The following EHMT2 variants were observed in gnomAD, a reference collection of about 807,000 sequenced individuals.
The protein encoded by EHMT2 is histone-lysine N-methyltransferase EHMT2.
A neutral mutation model predicts 143.3 loss-of-function variants in EHMT2; 59 were observed. That is an observed-to-expected ratio of 0.41 (90% CI 0.33 to 0.51). The LOEUF is 0.51. Ranked by LOEUF, EHMT2 falls within the 20% of genes least tolerant of loss-of-function variation. EHMT2 has a pLI of 0.18. For missense variants in EHMT2, 1,174 were observed against 1,645.9 expected (o/e 0.71, Z 4.96); for synonymous variants, 604 against 651.5 (o/e 0.93, Z 1.11).
chr6:31,884,657 T>C lies in EHMT2; in HGVS notation c.2591A>G (p.His864Arg). ...GGCAGGGGCTCACAGCACGCAGTCA[T>C]GGTAGCTCTCCCGAGCTGCGATGTG... is the stretch of plus-strand genomic sequence containing the variant. The change falls in exon 20 of 28, where the codon CAT becomes CGT. Residue 864 changes from histidine (H) to arginine (R), a missense_variant. His to Arg is a conservative substitution (Grantham distance 29). This residue lies in a region of EHMT2 where 608 missense variants were observed against 903.7 expected (regional missense o/e 0.67). Coordinates refer to ENST00000375537, the Ensembl canonical transcript of EHMT2. The surrounding 1 kb of genome is among the most constrained non-coding windows in gnomAD (Gnocchi z 7.3). The C allele has an allele frequency of 6.3e-7, 1 of 1,584,232 alleles. No individual in the cohort carries two copies. Among genetic ancestry groups the C allele is most frequent in the Non-Finnish European group, 8.6e-7 (1 of 1,162,104 alleles).
chr6:31,897,669 C>G, exon 1 of EHMT2: 1 of 1,148,204 alleles, frequency 8.7e-7, no homozygotes, highest in Non-Finnish European at 1.1e-6. Flanking sequence ...CTCCCGCCGC[C>G]GCCGCCATCG....
chr6:31,896,852 C>A (rs768930187), intron 2 of EHMT2, 28 bp from the exon 3 acceptor site: 4 of 1,612,430 alleles, frequency 2.5e-6, no homozygotes, highest in East Asian at 2.2e-5. Flanking sequence ...AAGTTCAGAG[C>A]TAAGGGCTCA....
chr6:31,884,262 G>T lies in EHMT2; in HGVS notation c.2771+130C>A. The T allele has an allele frequency of 1.8e-6, 2 of 1,115,362 alleles. No homozygotes were observed. Among genetic ancestry groups the T allele is most frequent in the Non-Finnish European group, 2.5e-6 (2 of 798,238 alleles). The allele number at this position is 1,115,362 out of a possible 1,614,324, so 69.1% of individuals were successfully genotyped here. On this transcript the variant is annotated intron_variant, in intron 21 of 27. Coordinates refer to ENST00000375537, the Ensembl canonical transcript of EHMT2. The surrounding 1 kb of genome is among the most constrained non-coding windows in gnomAD (Gnocchi z 7.3). ...GGCAACCCTAGTGGGGAGGGGGCCT[G>T]TGGGTGGTTCTGGGGATTCAGTGGT...
At chr6:31,893,224 T>A in intron 4 of EHMT2, 1 of 515,766 alleles carries the variant, frequency 1.9e-6, no homozygotes. Context: ...TTACAACAGC[T>A]GAGGTGCGGA....
In EHMT2 at chr6:31,887,497, G is replaced by A. The variant is rs997952717; in HGVS notation, c.2011+80C>T. The A allele has an allele frequency of 1.9e-5, 25 of 1,283,452 alleles. No homozygotes were observed. The African/African-American group carries it at 3.2e-4, about 17-fold the overall frequency. The allele number at this position is 1,283,452 out of a possible 1,614,324, so 79.5% of individuals were successfully genotyped here. On this transcript the variant is annotated intron_variant, in intron 15 of 27. Coordinates refer to ENST00000375537, the Ensembl canonical transcript of EHMT2. ...GGCAAGGACTGTGTCCTTCACGACT[G>A]TACTCCTGGCCCTGTACCCAGTGCC...
chr6:31,884,617 G>A lies in EHMT2; in HGVS notation c.2603+28C>T. 1.2e-6 allele frequency: 2 copies of A among 1,601,416 alleles called. No homozygotes were observed. Among genetic ancestry groups the A allele is most frequent in the Non-Finnish European group, 1.7e-6 (2 of 1,172,254 alleles). On this transcript the variant is annotated intron_variant, in intron 20 of 27. Transcript: ENST00000375537. This position sits in a 1 kb window ranked among gnomAD's most constrained non-coding sequence, Gnocchi z 7.3. ...CTGAGGCTGCAAGAAGTGGGGGCAG[G>A]GGCATCAAGGGCGGGGCAGGGGCTC...
rs1473329090 is a variant in EHMT2 at position 31,888,766 on chromosome 6, G to A, written c.1217-19C>T. On this transcript the variant is annotated intron_variant, in intron 10 of 27. Transcript: ENST00000375537. This position sits in a 1 kb window ranked among gnomAD's most constrained non-coding sequence, Gnocchi z 7.4. ...GACACCCCTTGGATGGAGGAAAAGA[G>A]GAGCTGAGGGAGGCTCTGCACCTCA... 2.5e-6 allele frequency: 4 copies of A among 1,610,662 alleles called. No individual in the cohort carries two copies. The highest frequency in any genetic ancestry group is 3.4e-6 in the Non-Finnish European group (4 of 1,179,682).
intron 7 of EHMT2, among the ~76,000 whole-genome samples, chr6:31,892,062 G>A (rs1474525524): frequency 6.6e-6 from 1 of 151,996 alleles, no homozygotes. Context: ...GCCAACACAG[G>A]GAAACCCCGT....
chr6:31,888,313 GC>G lies in EHMT2; in HGVS notation c.1510-38del, dbSNP rs1249417989. On this transcript the variant is annotated intron_variant, in intron 12 of 27. Coordinates refer to ENST00000375537, the Ensembl canonical transcript of EHMT2. The surrounding 1 kb of genome is among the most constrained non-coding windows in gnomAD (Gnocchi z 7.4). ...GAAACGACATGGTCAGGTTACTGGG[GC>G]CCCCTCTGCCACAGGGCATGCTACC... 9 of 1,611,476 alleles carry G rather than the reference GC, an allele frequency of 5.6e-6. No individual in the cohort carries two copies. Among genetic ancestry groups the G allele is most frequent in the Non-Finnish European group, 6.8e-6 (8 of 1,179,214 alleles).
chr6:31,889,115 C>CT lies in EHMT2; in HGVS notation c.1115-46dup. The CT allele has an allele frequency of 6.4e-7, 1 of 1,552,734 alleles. No individual in the cohort carries two copies. The highest frequency in any genetic ancestry group is 8.8e-7 in the Non-Finnish European group (1 of 1,139,042). On this transcript the variant is annotated intron_variant, in intron 9 of 27. Coordinates refer to ENST00000375537, the Ensembl canonical transcript of EHMT2. The surrounding 1 kb of genome is among the most constrained non-coding windows in gnomAD (Gnocchi z 5.1). Reference sequence around the variant, plus strand: ...AGTGAGAGTGCGAGCTCACAGGTGCCTGGACGCGTGGGTACATGCAGGTGG... The same window carrying CT: ...AGTGAGAGTGCGAGCTCACAGGTGCCTTGGACGCGTGGGTACATGCAGGTGG...
At chr6:31,894,090 T>G (rs1030273440) in intron 4 of EHMT2, among the ~76,000 whole-genome samples, 1 of 152,076 alleles carries the variant, frequency 6.6e-6, no homozygotes, top group Non-Finnish European at 1.5e-5. Context: ...TTCTCTCACC[T>G]CTGCCTCCTG....
rs956262178 is a variant in EHMT2 at position 31,881,557 on chromosome 6, G to C, written c.3198-465C>G. 1 of 223,364 alleles carries C rather than the reference G, an allele frequency of 4.5e-6. No homozygotes were observed. Among genetic ancestry groups the C allele is most frequent in the Non-Finnish European group, 9.1e-6 (1 of 109,428 alleles). 13.8% of individuals were successfully genotyped at this position (223,364 alleles called of 1,614,324 possible). A position where few individuals can be genotyped will look rare whatever the true frequency, so the allele number is the denominator to read the frequency against. ...GGAGGAGAGGAGCCAGCTATCTAAG[G>C]AGGGTGAGCAGACATGGGAGATTCA... On this transcript the variant is annotated intron_variant, in intron 25 of 27. Coordinates refer to ENST00000375537, the Ensembl canonical transcript of EHMT2. The surrounding 1 kb of genome is among the most constrained non-coding windows in gnomAD (Gnocchi z 4.8).
chr6:31,886,430 A>G, intron 18 of EHMT2, 151 bp downstream of exon 18: 1 of 632,740 alleles, frequency 1.6e-6, no homozygotes, highest in South Asian at 2.1e-5. Flanking sequence ...GAAAAGAATG[A>G]AGAGAAATAC....
Position 31,888,718 on chromosome 6 carries a change from T to C in EHMT2, c.1246A>G (p.Thr416Ala). The change falls in exon 11 of 28, where the codon ACA becomes GCA. Residue 416 changes from threonine (T) to alanine (A), a missense_variant. Physicochemically the swap from Thr to Ala is moderately conservative, Grantham distance 58 (BLOSUM62 0). Around this residue, in one of 6 missense-constraint regions of EHMT2, gnomAD observed 608 missense variants for 903.7 expected, o/e 0.67. Coordinates refer to ENST00000375537, the Ensembl canonical transcript of EHMT2. This position sits in a 1 kb window ranked among gnomAD's most constrained non-coding sequence, Gnocchi z 7.4. ...GGCAACTCCTCAAACCCTCGCTCTGTCTCCAGCGAAGATGTGTCATTGGAC... is the reference window on the plus strand; with the variant it reads ...GGCAACTCCTCAAACCCTCGCTCTGCCTCCAGCGAAGATGTGTCATTGGAC... 1 of 1,613,520 alleles carries C rather than the reference T, an allele frequency of 6.2e-7. No homozygotes were observed. Among genetic ancestry groups the C allele is most frequent in the Non-Finnish European group, 8.5e-7 (1 of 1,179,984 alleles).
chr6:31,896,969 C>T, exon 2 of EHMT2: 2 of 1,584,810 alleles, frequency 1.3e-6, no homozygotes, highest in East Asian at 2.2e-5. Context: ...GCAGCGCCCC[C>T]ATCTCAGCGG....
Position 31,883,674 on chromosome 6 carries a change from T to C in EHMT2, c.2916+132A>G. 1 of 1,317,978 alleles carries C rather than the reference T, an allele frequency of 7.6e-7. No individual in the cohort carries two copies. Among genetic ancestry groups the C allele is most frequent in the Non-Finnish European group, 1.1e-6 (1 of 943,750 alleles). The allele number at this position is 1,317,978 out of a possible 1,614,324, so 81.6% of individuals were successfully genotyped here. On this transcript the variant is annotated intron_variant, in intron 22 of 27. Coordinates refer to ENST00000375537, the Ensembl canonical transcript of EHMT2. The surrounding 1 kb of genome is among the most constrained non-coding windows in gnomAD (Gnocchi z 5.6). ...AAAAGGATCCCTCCCCTGGTGGGGA[T>C]GCGACCCCACACCAGGGCTCCCTTT...
chr6:31,892,341 G>A (rs9501159), intron 7 of EHMT2, 66 bp downstream of exon 7: 17,411 of 1,560,780 alleles, frequency 0.011, 237 homozygotes, highest in Middle Eastern at 0.1. Flanking sequence ...GGAACAAGGA[G>A]GACTGGACAG....
intron 15 of EHMT2, 80 bp downstream of exon 15, chr6:31,887,497 G>T (rs997952717): frequency 7.8e-7 from 1 of 1,283,570 alleles, no homozygotes; most frequent in Non-Finnish European, 1.1e-6. Flanking sequence ...CTTCACGACT[G>T]TACTCCTGGC....
Position 31,884,487 on chromosome 6 carries a change from G to A in EHMT2, c.2676C>T (p.Pro892=), listed in dbSNP as rs147102570. The A allele has an allele frequency of 2.0e-5, 32 of 1,612,842 alleles. No individual in the cohort carries two copies. Among genetic ancestry groups the A allele is most frequent in the East Asian group, 1.3e-4 (6 of 44,894 alleles). Residue 892 remains proline (P), a synonymous_variant, in exon 21 of 28, where the codon CCC becomes CCT. Coordinates refer to ENST00000375537, the Ensembl canonical transcript of EHMT2. This position sits in a 1 kb window ranked among gnomAD's most constrained non-coding sequence, Gnocchi z 7.3. ...GCGCAAACCACACGTCGGAGCGCTC[G>A]GGAGTCAGGTCCCATGCTGTGTCCC...
Sources: gnomAD v4.1 joint callset for allele counts (sites outside exome capture counted in the v4.1 genomes callset) on GRCh38, gnomAD v4.1.1 for gene constraint, gnomAD v4.1.1 regional missense constraint, Gnocchi (gnomAD v3.1) non-coding constraint, MANE v1.5 for transcripts, NCBI Gene and HGNC (gene_info 2026-07-23, HGNC 2026-07-21) for gene names.